FTCDNL1: variants seen among roughly 807,000 people sequenced by gnomAD.
FTCDNL1 encodes the protein formiminotransferase N-terminal subdomain-containing protein.
Under a neutral mutation model 5.9 loss-of-function variants are expected in FTCDNL1, and 11 were observed. The observed-to-expected ratio is 1.87, with a 90% CI of 1.18 to 3.10. The LOEUF is 3.10. Among genes scored for constraint, FTCDNL1 ranks in the 30% most tolerant of loss-of-function variants. FTCDNL1 has a pLI of 0.00. For missense variants in FTCDNL1, 115 were observed against 65.5 expected, an observed-to-expected ratio of 1.76 and a Z score of -2.61; for synonymous variants, 58 against 24.8, an observed-to-expected ratio of 2.34 and a Z score of -3.99.
At chr2:199,795,969 T>C (rs1700150985) in intron 3 of FTCDNL1, among the ~76,000 whole-genome samples, 1 of 152,176 alleles carries the variant, frequency 6.6e-6, no homozygotes, top group Non-Finnish European at 1.5e-5. Flanking sequence ...ACTTAGTACA[T>C]GCTGAGGGGT....
intron 3 of FTCDNL1, among the ~76,000 whole-genome samples, chr2:199,794,658 A>G (rs1700088481): frequency 6.6e-6 from 1 of 152,192 alleles, no homozygotes; most frequent in African/African-American, 2.4e-5. Flanking sequence ...CAAGTGGATC[A>G]CTTGAGTCCA....
At chr2:199,681,987 G>A in the FTCDNL1 span, among the ~76,000 whole-genome samples, 91 of 151,912 alleles carry the variant, frequency 6.0e-4, no homozygotes, top group South Asian at 0.011. Flanking sequence ...AAAGGGAAAA[G>A]CAACACTCTT....
chr2:199,819,696 A>G lies in FTCDNL1; in HGVS notation c.273T>C (p.Ala91=), dbSNP rs763760273. 5 of 702,348 alleles carry G rather than the reference A, an allele frequency of 7.1e-6. No individual in the cohort carries two copies. The highest frequency in any genetic ancestry group is 1.5e-5 in the South Asian group (1 of 67,594). 43.5% of individuals were successfully genotyped at this position (702,348 alleles called of 1,614,324 possible). ...PGCSVFLFGE[A]DLPEKRSLVQ... is the part of the protein sequence containing the mutation. Reference sequence around the variant, plus strand: ...CAAGACTGCGCTTCTCAGGCAGGTCAGCTTCGCCAAAGAGAAACACGCTGC... The same window carrying G: ...CAAGACTGCGCTTCTCAGGCAGGTCGGCTTCGCCAAAGAGAAACACGCTGC... The change falls in exon 4 of 5, where the codon GCT becomes GCC. Residue 91 remains alanine, a synonymous_variant. Coordinates refer to ENST00000420128, the MANE Select transcript of FTCDNL1 (RefSeq NM_001363886.2).
intron 3 of FTCDNL1, among the ~76,000 whole-genome samples, chr2:199,842,190 T>A (rs1016472952): frequency 6.6e-6 from 1 of 151,674 alleles, no homozygotes; most frequent in Non-Finnish European, 1.5e-5. Flanking sequence ...ATCACTTGAG[T>A]CTGGGAGGCG....
rs919884123 is a variant in FTCDNL1 at position 199,798,895 on chromosome 2, C to T, written c.212-38060G>A. On this transcript the variant is annotated intron_variant, in intron 3 of 3. Transcript: ENST00000416668. Reference sequence around the variant, plus strand: ...TGAAAGCCCCACATTGTACCAATGGCGTTTTCTTACAAATAGATGACATCC... The same window carrying T: ...TGAAAGCCCCACATTGTACCAATGGTGTTTTCTTACAAATAGATGACATCC... 9.9e-5 allele frequency among the ~76,000 whole-genome samples: 15 copies of T among 152,150 alleles called. No individual in the cohort carries two copies. The East Asian group carries it at 2.3e-3, about 23-fold the overall frequency.
At chr2:199,828,356 A>T (rs1452555949) in intron 3 of FTCDNL1, among the ~76,000 whole-genome samples, 1 of 152,240 alleles carries the variant, frequency 6.6e-6, no homozygotes, top group Non-Finnish European at 1.5e-5. Flanking sequence ...GAAGATAATA[A>T]TTCTGAATAC....
the FTCDNL1 span, among the ~76,000 whole-genome samples, chr2:199,724,199 T>C: frequency 5.3e-5 from 8 of 152,162 alleles, no homozygotes; most frequent in African/African-American, 1.9e-4. Context: ...TCTCTGACGG[T>C]TGTATGTATT....
chr2:199,746,413 T>C, the FTCDNL1 span, among the ~76,000 whole-genome samples: 12 of 152,104 alleles, frequency 7.9e-5, no homozygotes, highest in Non-Finnish European at 1.8e-4. Context: ...ACTCTTAGAC[T>C]TGTTGTATAG....
rs1170171676 is a variant in FTCDNL1, at chr2:199,810,958, C to T, written c.*1747G>A. On this transcript the variant is annotated 3_prime_UTR_variant, in exon 5 of 5. Coordinates refer to ENST00000420128, the MANE Select transcript of FTCDNL1 (RefSeq NM_001363886.2). ...TACGATGGTTTGGGGGCTTTGTTGC[C>T]TAGCCTGGCTACTCTCATACTAATA... Among the ~76,000 whole-genome samples, 1 of 152,116 alleles carries T rather than the reference C, an allele frequency of 6.6e-6. No homozygotes were observed. Among genetic ancestry groups the T allele is most frequent in the African/African-American group, 2.4e-5 (1 of 41,406 alleles).
chr2:199,716,610 G>C, the FTCDNL1 span, among the ~76,000 whole-genome samples: 2 of 152,002 alleles, frequency 1.3e-5, no homozygotes, highest in South Asian at 4.2e-4. Context: ...CAAAACAATG[G>C]AGCATAGTAA....
rs1201053150 is a variant in FTCDNL1, at chr2:199,851,167, C to T, written c.-435G>A. 4 of 148,388 alleles carry T rather than the reference C, an allele frequency of 2.7e-5. No homozygotes were observed. The highest frequency in any genetic ancestry group is 7.3e-5 in the African/African-American group (3 of 41,022). 9.2% of individuals were successfully genotyped at this position (148,388 alleles called of 1,614,324 possible). On this transcript the variant is annotated 5_prime_UTR_variant, in exon 1 of 5. Coordinates refer to ENST00000420128, the MANE Select transcript of FTCDNL1 (RefSeq NM_001363886.2). ...GCAGCCTCCGCCGCCGCGCGTGGCC[C>T]GCGCGCAGCGTCTGCCGCCGGCTCC...
At chr2:199,751,303 G>A in the FTCDNL1 span, among the ~76,000 whole-genome samples, 1 of 152,194 alleles carries the variant, frequency 6.6e-6, no homozygotes, top group Admixed American at 6.5e-5. Flanking sequence ...CCTAATCAAA[G>A]GACTTTGAGG....
At chr2:199,733,303 G>A in the FTCDNL1 span, among the ~76,000 whole-genome samples, 1 of 152,224 alleles carries the variant, frequency 6.6e-6, no homozygotes, top group Non-Finnish European at 1.5e-5. Context: ...ATTTAGGCAT[G>A]TAGCTGAAGA....
At chr2:199,719,978 T>C in the FTCDNL1 span, among the ~76,000 whole-genome samples, 2 of 152,142 alleles carry the variant, frequency 1.3e-5, no homozygotes, top group African/African-American at 4.8e-5. Flanking sequence ...ATTTTTCACC[T>C]CCTAGGTTAA....
the FTCDNL1 span, among the ~76,000 whole-genome samples, chr2:199,729,182 A>G: frequency 6.6e-6 from 1 of 152,238 alleles, no homozygotes; most frequent in Non-Finnish European, 1.5e-5. Context: ...CTTTTAAAAT[A>G]CATGGGTTCA....
At chr2:199,685,908 C>A in the FTCDNL1 span, among the ~76,000 whole-genome samples, 1 of 152,184 alleles carries the variant, frequency 6.6e-6, no homozygotes, top group Admixed American at 6.5e-5. Flanking sequence ...TCCTAGAAAG[C>A]CTTAGACTTC....
At chr2:199,664,400 A>G in the FTCDNL1 span, among the ~76,000 whole-genome samples, 2 of 152,300 alleles carry the variant, frequency 1.3e-5, no homozygotes, top group East Asian at 3.9e-4. Context: ...TTTTCCCCCA[A>G]TACAAGATTT....
At chr2:199,680,508 A>G in the FTCDNL1 span, among the ~76,000 whole-genome samples, 1 of 152,222 alleles carries the variant, frequency 6.6e-6, no homozygotes, top group Non-Finnish European at 1.5e-5. Flanking sequence ...CCAGGAAAAA[A>G]TTAGATTTAG....
chr2:199,786,251 G>GTATATATATATA (rs139819752), intron 3 of FTCDNL1, among the ~76,000 whole-genome samples: 2 of 146,536 alleles, frequency 1.4e-5, no homozygotes, highest in African/African-American at 5.0e-5. Context: ...CTCCAGCCCT[G>GTATATATATATA]TATATATATA....
Sources: allele counts gnomAD v4.1 joint callset (sites outside exome capture counted in the v4.1 genomes callset), GRCh38; gene constraint gnomAD v4.1.1; transcripts MANE v1.5; gene names NCBI Gene and HGNC (gene_info 2026-07-23, HGNC 2026-07-21).